AHCYL2: variants seen among roughly 807,000 people sequenced by gnomAD.
AHCYL2 encodes the protein adenosylhomocysteinase like 2, also known as S-adenosylhomocysteine hydrolase-like protein 2.
In AHCYL2, 28 loss-of-function variants were observed where a neutral mutation model predicts 81.4. The ratio of observed to expected loss-of-function variants is 0.34; its 90% CI spans 0.25 to 0.47. The LOEUF (loss-of-function observed/expected upper bound fraction) is 0.47, where lower values mean the gene tolerates loss of function less well. AHCYL2 is among the 20% of genes least tolerant of loss of function. AHCYL2 has a pLI of 1.00. For synonymous variants in AHCYL2, 272 were observed against 290.2 expected, an observed-to-expected ratio of 0.94 and a Z score of 0.64; for missense variants, 551 against 785.1, an observed-to-expected ratio of 0.70 and a Z score of 3.56.
At position 129,426,681 on chromosome 7, in the gene AHCYL2, C is replaced by G; in HGVS notation, c.1829+118C>G. The stretch of plus-strand genomic sequence containing the variant: ...ACATGAACTCAGAAAAATGAACCCA[C>G]TTCCCCTCACTGCCACCTTCAAAAG... On this transcript the variant is annotated intron_variant, in intron 16 of 16. Coordinates refer to ENST00000325006, the MANE Select transcript of AHCYL2 (RefSeq NM_015328.4). The surrounding 1 kb of genome is among the most constrained non-coding windows in gnomAD (Gnocchi z 4.3). 1 of 1,360,432 alleles carries G rather than the reference C, an allele frequency of 7.4e-7. No homozygotes were observed. The highest frequency in any genetic ancestry group is 1.5e-5 in the South Asian group (1 of 67,496). 84.3% of individuals were successfully genotyped at this position (1,360,432 alleles called of 1,614,324 possible).
chr7:129,318,940 G>A (rs1797919939), intron 1 of AHCYL2, among the ~76,000 whole-genome samples: 1 of 151,646 alleles, frequency 6.6e-6, no homozygotes, highest in Non-Finnish European at 1.5e-5. Flanking sequence ...TTAATTTGGG[G>A]GTAGGGGATG....
chr7:129,237,787 G>A (rs1794692949), intron 1 of AHCYL2, among the ~76,000 whole-genome samples: 1 of 152,070 alleles, frequency 6.6e-6, no homozygotes. Flanking sequence ...GAGTGCAGTG[G>A]CACCATTGGG....
intron 1 of AHCYL2, among the ~76,000 whole-genome samples, chr7:129,305,317 G>A (rs1584764619): frequency 6.6e-6 from 1 of 152,206 alleles, no homozygotes; most frequent in East Asian, 1.9e-4. Context: ...AAAATTAGCT[G>A]AGCATGGTGG....
At chr7:129,260,076 CAAAA>C (rs35687709) in intron 1 of AHCYL2, among the ~76,000 whole-genome samples, 4 of 67,666 alleles carry the variant, frequency 5.9e-5, no homozygotes, top group Non-Finnish European at 6.1e-5. Context: ...AACTCCATCT[CAAAA>C]AAAAAAAAAA....
intron 1 of AHCYL2, among the ~76,000 whole-genome samples, chr7:129,288,044 A>C (rs976091769): frequency 6.6e-6 from 1 of 152,250 alleles, no homozygotes; most frequent in Non-Finnish European, 1.5e-5. Flanking sequence ...AAAATTAGCA[A>C]TAATTTTTAA....
chr7:129,357,935 A>G (rs75697974), intron 1 of AHCYL2, among the ~76,000 whole-genome samples: 1 of 144,252 alleles, frequency 6.9e-6, no homozygotes, highest in East Asian at 2.1e-4. Flanking sequence ...CTCCATCTCA[A>G]AAAAAAAAAA....
At chr7:129,240,069 C>G (rs1022071952) in intron 1 of AHCYL2, among the ~76,000 whole-genome samples, 5 of 152,038 alleles carry the variant, frequency 3.3e-5, no homozygotes, top group Admixed American at 3.3e-4. Flanking sequence ...ACTAAAAATA[C>G]AAAATTGGTC....
rs80247663 is a variant in AHCYL2, at chr7:129,369,059, A to G, written c.364-10579A>G. Among the ~76,000 whole-genome samples the G allele has an allele frequency of 2.5e-3, 374 of 152,016 alleles. 16 individuals are homozygous for G. In the East Asian group the frequency reaches 0.067, roughly 27 times the overall value. On this transcript the variant is annotated intron_variant, in intron 1 of 16. Transcript: ENST00000325006. ...TATTTCCCCCCCAGCTATCCTTTAT[A>G]TATATATTTCTCTATGGCAGGAACT...
chr7:129,424,248 AAGTT>A (rs1422799881), intron 13 of AHCYL2, among the ~76,000 whole-genome samples: 1 of 152,004 alleles, frequency 6.6e-6, no homozygotes, highest in African/African-American at 2.4e-5. Flanking sequence ...AAAAATACAA[AAGTT>A]AGCCGGGCAT....
At position 129,225,413 on chromosome 7, in the gene AHCYL2, A is replaced by G; in HGVS notation, c.337A>G (p.Thr113Ala). 1 of 1,515,862 alleles carries G rather than the reference A, an allele frequency of 6.6e-7. No individual in the cohort carries two copies. The highest frequency in any genetic ancestry group is 8.8e-7 in the Non-Finnish European group (1 of 1,137,586). The allele number at this position is 1,515,862 out of a possible 1,614,324, so 93.9% of individuals were successfully genotyped here. Residue 113 changes from threonine (T) to alanine (A), a missense_variant, in exon 1 of 17, where the codon ACC becomes GCC. Physicochemically the swap from Thr to Ala is moderately conservative, Grantham distance 58. Transcript: ENST00000325006. ...CCTGGTCAGCCCCGACGGCACCGTCACCGAGGCGCCGCGCACAGTCAAGAA... is the reference window on the plus strand; with the variant it reads ...CCTGGTCAGCCCCGACGGCACCGTCGCCGAGGCGCCGCGCACAGTCAAGAA... ...EALVSPDGTV[T>A]EAPRTVKKQI...
Position 129,419,040 on chromosome 7 carries a change from G to GT in AHCYL2, c.1462-3792dup, listed in dbSNP as rs1167586970. 6.6e-6 allele frequency among the ~76,000 whole-genome samples: 1 copy of GT among 152,006 alleles called. No individual in the cohort carries two copies. The highest frequency in any genetic ancestry group is 1.5e-5 in the Non-Finnish European group (1 of 68,010). The stretch of plus-strand genomic sequence containing the variant: ...TTTTAGTAATCAAAATTTTTAAAGA[G>GT]TTTTTTTTCCTTTTTTGGTAGGAAT... On this transcript the variant is annotated intron_variant, in intron 12 of 16. Coordinates refer to ENST00000325006, the MANE Select transcript of AHCYL2 (RefSeq NM_015328.4). This position sits in a 1 kb window ranked among gnomAD's most constrained non-coding sequence, Gnocchi z 4.7.
intron 6 of AHCYL2, among the ~76,000 whole-genome samples, chr7:129,402,077 C>A (rs1040604673): frequency 1.3e-5 from 2 of 152,180 alleles, no homozygotes; most frequent in East Asian, 3.8e-4. Context: ...GTGAAACTTA[C>A]AACACAGAGT....
At chr7:129,279,579 A>G (rs933770947) in intron 1 of AHCYL2, among the ~76,000 whole-genome samples, 9 of 152,256 alleles carry the variant, frequency 5.9e-5, no homozygotes, top group Non-Finnish European at 1.0e-4. Flanking sequence ...GTGAGTCCAC[A>G]GAGTAAAATG....
chr7:129,357,931 C>T (rs563694966), intron 1 of AHCYL2, among the ~76,000 whole-genome samples: 10 of 141,334 alleles, frequency 7.1e-5, no homozygotes, highest in African/African-American at 2.4e-4. Flanking sequence ...GAGACTCCAT[C>T]TCAAAAAAAA....
chr7:129,302,926 G>C (rs1797302367), intron 1 of AHCYL2, among the ~76,000 whole-genome samples: 1 of 152,064 alleles, frequency 6.6e-6, no homozygotes. Context: ...GAGTAAGATT[G>C]GTGTTAGTTC....
At chr7:129,279,169 T>G (rs1487746928) in intron 1 of AHCYL2, among the ~76,000 whole-genome samples, 1 of 152,118 alleles carries the variant, frequency 6.6e-6, no homozygotes, top group African/African-American at 2.4e-5. Flanking sequence ...TTAACAATAT[T>G]GAATCTTTTG....
intron 1 of AHCYL2, among the ~76,000 whole-genome samples, chr7:129,371,930 GA>G (rs1162065138): frequency 6.6e-6 from 1 of 152,208 alleles, no homozygotes; most frequent in African/African-American, 2.4e-5. Flanking sequence ...TATCTACTTG[GA>G]AGTAGAGACA....
At chr7:129,401,141 T>C (rs1476565103) in intron 6 of AHCYL2, among the ~76,000 whole-genome samples, 1 of 151,974 alleles carries the variant, frequency 6.6e-6, no homozygotes, top group Non-Finnish European at 1.5e-5. Context: ...CTGGGCAACA[T>C]AGGCTTTCTA....
At chr7:129,266,186 G>A (rs62480599) in intron 1 of AHCYL2, among the ~76,000 whole-genome samples, 1 of 152,112 alleles carries the variant, frequency 6.6e-6, no homozygotes, top group Non-Finnish European at 1.5e-5. Context: ...ATTTTGCTCA[G>A]CCAACAAATG....
Sources: allele counts gnomAD v4.1 joint callset (sites outside exome capture counted in the v4.1 genomes callset), GRCh38; gene constraint gnomAD v4.1.1; non-coding constraint Gnocchi (gnomAD v3.1); transcripts MANE v1.5; gene names NCBI Gene and HGNC (gene_info 2026-07-23, HGNC 2026-07-21).